Variants in VPS41 observed in about 807,000 individuals in gnomAD.
The protein encoded by VPS41 is vacuolar protein sorting-associated protein 41 homolog.
In VPS41, 85 loss-of-function variants were observed where a neutral mutation model predicts 130.9. That is an observed-to-expected ratio of 0.65 (90% CI 0.55 to 0.78). The LOEUF (loss-of-function observed/expected upper bound fraction) is 0.78. Ranked by LOEUF, VPS41 falls within the 30% of genes least tolerant of loss-of-function variation. The probability of loss-of-function intolerance (pLI) is 0.00; values close to 1 mark genes in which losing one functional copy is unlikely to be tolerated. For missense variants in VPS41, 874 were observed against 1,018.7 expected (o/e 0.86, Z 1.93); for synonymous variants, 335 against 332.9 (o/e 1.01, Z -0.07).
chr7:38,840,351 CA>C (rs2116219651), intron 4 of VPS41, among the ~76,000 whole-genome samples: 1 of 152,206 alleles, frequency 6.6e-6, no homozygotes, highest in African/African-American at 2.4e-5. Flanking sequence ...TCCTTCCCAC[CA>C]AAAAATAGGC....
intron 10 of VPS41, among the ~76,000 whole-genome samples, chr7:38,782,924 C>A (rs947549728): frequency 1.3e-5 from 2 of 151,960 alleles, no homozygotes; most frequent in Admixed American, 1.3e-4. Context: ...CGAGACCAGC[C>A]TGGCCACCAT....
At chr7:38,871,059 T>TC (rs1292111962) in intron 2 of VPS41, among the ~76,000 whole-genome samples, 1 of 152,062 alleles carries the variant, frequency 6.6e-6, no homozygotes, top group Non-Finnish European at 1.5e-5. Context: ...TTCATTACAG[T>TC]CCCAGAAGGA....
rs1785597305 is a variant in VPS41, at chr7:38,840,979, C to T, written c.247-10651G>A. On this transcript the variant is annotated intron_variant, in intron 4 of 28. Coordinates refer to ENST00000310301, the MANE Select transcript of VPS41 (RefSeq NM_014396.4). The stretch of plus-strand genomic sequence containing the variant: ...GTGACCTAGCTCTCCTGCCCCAGAA[C>T]AGCTGAGAGTTGCCACTGTGTTGGC... Among the ~76,000 whole-genome samples the T allele has an allele frequency of 3.9e-5, 6 of 152,202 alleles. 1 individual carries two copies. The South Asian group carries it at 1.2e-3, about 32-fold the overall frequency.
chr7:38,810,571 T>C lies in VPS41; in HGVS notation c.450+7246A>G, dbSNP rs115015133. 7.8e-3 allele frequency among the ~76,000 whole-genome samples: 1,182 copies of C among 152,320 alleles called. 16 individuals carry two copies. Among genetic ancestry groups the C allele is most frequent in the African/African-American group, 0.027 (1,131 of 41,582 alleles). On this transcript the variant is annotated intron_variant, in intron 7 of 28. Coordinates refer to ENST00000310301, the MANE Select transcript of VPS41 (RefSeq NM_014396.4). ...TTCTACTTAGTTCCTCTAGTCTCTG[T>C]GCCACTTTAACCCATTGTTTGTAGA...
chr7:38,756,451 G>A (rs372483027), intron 19 of VPS41, among the ~76,000 whole-genome samples: 2 of 152,064 alleles, frequency 1.3e-5, no homozygotes, highest in African/African-American at 2.4e-5. Flanking sequence ...GTAATAAGTC[G>A]GTCAAGATGG....
chr7:38,796,964 A>G lies in VPS41; in HGVS notation c.451-100T>C, dbSNP rs1327915907. The G allele has an allele frequency of 3.6e-6, 5 of 1,387,412 alleles. No homozygotes were observed. The East Asian group carries it at 1.2e-4, about 32-fold the overall frequency. The allele number at this position is 1,387,412 out of a possible 1,614,324, so 85.9% of individuals were successfully genotyped here. A position where few individuals can be genotyped will look rare whatever the true frequency, so the allele number is the denominator to read the frequency against. Reference sequence around the variant, plus strand: ...ACCTATCCTCGTGACCAAATAACAAACAAGTCACTCTCGACGTCTTTAATG... The same window carrying G: ...ACCTATCCTCGTGACCAAATAACAAGCAAGTCACTCTCGACGTCTTTAATG... On this transcript the variant is annotated intron_variant, in intron 7 of 28. Coordinates refer to ENST00000310301, the MANE Select transcript of VPS41 (RefSeq NM_014396.4).
intron 2 of VPS41, among the ~76,000 whole-genome samples, chr7:38,882,223 C>A (rs1786624207): frequency 6.6e-6 from 1 of 152,136 alleles, no homozygotes; most frequent in African/African-American, 2.4e-5. Context: ...TCATCTCATT[C>A]CTCCTCTCAG....
At chr7:38,734,354 T>G (rs1378713273) in intron 25 of VPS41, among the ~76,000 whole-genome samples, 1 of 152,212 alleles carries the variant, frequency 6.6e-6, no homozygotes, top group African/African-American at 2.4e-5. Flanking sequence ...TTCTAAGTTT[T>G]TCTAAATTAC....
At chr7:38,869,005 G>A (rs1383752024) in intron 3 of VPS41, 141 bp downstream of exon 3, 1 of 605,584 alleles carries the variant, frequency 1.7e-6, no homozygotes. Context: ...GGGGTTTTTT[G>A]TTGGCAAGGA....
chr7:38,810,427 TTAA>T (rs1784921753), intron 7 of VPS41, among the ~76,000 whole-genome samples: 1 of 152,178 alleles, frequency 6.6e-6, no homozygotes, highest in Non-Finnish European at 1.5e-5. Flanking sequence ...TCTAATTACT[TTAA>T]TAATTTTTAT....
chr7:38,754,888 C>T lies in VPS41; in HGVS notation c.1737+7G>A. 1 of 1,613,240 alleles carries T rather than the reference C, an allele frequency of 6.2e-7. No homozygotes were observed. Among genetic ancestry groups the T allele is most frequent in the Non-Finnish European group, 8.5e-7 (1 of 1,179,428 alleles). ...TGGTAACACATATAAAAACAAATGACACTCACTGAAATTTTATCTTCATTG... is the reference window on the plus strand; with the variant it reads ...TGGTAACACATATAAAAACAAATGATACTCACTGAAATTTTATCTTCATTG... On this transcript the variant is annotated splice_region_variant and intron_variant, in intron 20 of 28. Coordinates refer to ENST00000310301, the MANE Select transcript of VPS41 (RefSeq NM_014396.4).
At chr7:38,765,766 C>A in intron 15 of VPS41, 105 bp from the exon 16 acceptor site, 1 of 680,322 alleles carries the variant, frequency 1.5e-6, no homozygotes. Context: ...TTAGAGAAAT[C>A]TCTCTTCTCA....
At chr7:38,812,079 C>T (rs1302933783) in intron 7 of VPS41, among the ~76,000 whole-genome samples, 1 of 152,022 alleles carries the variant, frequency 6.6e-6, no homozygotes, top group African/African-American at 2.4e-5. Context: ...TTTTAACTTA[C>T]AATAGGCTTA....
intron 4 of VPS41, among the ~76,000 whole-genome samples, chr7:38,845,048 G>C (rs1785694085): frequency 6.6e-6 from 1 of 152,184 alleles, no homozygotes; most frequent in Non-Finnish European, 1.5e-5. Flanking sequence ...TAAAAGCACA[G>C]GGAGGATTTG....
intron 3 of VPS41, among the ~76,000 whole-genome samples, chr7:38,864,030 C>T (rs1298211566): frequency 6.6e-6 from 1 of 152,166 alleles, no homozygotes; most frequent in Admixed American, 6.5e-5. Context: ...TAGAAAAACA[C>T]CACATACGAT....
Position 38,755,073 on chromosome 7 carries a change from A to G in VPS41, c.1696-137T>C, listed in dbSNP as rs1214780618. On this transcript the variant is annotated intron_variant, in intron 19 of 28. Transcript: ENST00000310301. ...TACTTAAGGAGGCCCTTGGCTTTAC[A>G]ATGGCTCTTATGGAAAATGACATTT... The G allele has an allele frequency of 4.4e-6, 3 of 685,056 alleles. No homozygotes were observed. The East Asian group carries it at 8.1e-5, about 18-fold the overall frequency. 42.4% of individuals were successfully genotyped at this position (685,056 alleles called of 1,614,324 possible). A position where few individuals can be genotyped will look rare whatever the true frequency, so the allele number is the denominator to read the frequency against.
At chr7:38,799,403 G>A (rs1784682845) in intron 7 of VPS41, among the ~76,000 whole-genome samples, 1 of 152,024 alleles carries the variant, frequency 6.6e-6, no homozygotes, top group African/African-American at 2.4e-5. Context: ...GGTAACCAGA[G>A]TACTTTGAAA....
At chr7:38,885,771 A>G (rs1046745435) in intron 2 of VPS41, among the ~76,000 whole-genome samples, 5 of 152,244 alleles carry the variant, frequency 3.3e-5, no homozygotes, top group African/African-American at 1.2e-4. Flanking sequence ...CATTAGAAAA[A>G]TGTTTCAACA....
At chr7:38,828,918 T>C (rs1289964277) in intron 5 of VPS41, among the ~76,000 whole-genome samples, 2 of 152,176 alleles carry the variant, frequency 1.3e-5, no homozygotes, top group Non-Finnish European at 2.9e-5. Flanking sequence ...CTAGATGAAG[T>C]ATTTAGTAAA....
Sources: gnomAD v4.1 joint callset for allele counts (sites outside exome capture counted in the v4.1 genomes callset) on GRCh38, gnomAD v4.1.1 for gene constraint, MANE v1.5 for transcripts, NCBI Gene and HGNC (gene_info 2026-07-23, HGNC 2026-07-21) for gene names.